IGSF3: variants seen among roughly 807,000 people sequenced by gnomAD.
IGSF3 encodes immunoglobulin superfamily member 3.
Under a neutral mutation model 114.4 loss-of-function variants are expected in IGSF3, and 23 were observed. That is an observed-to-expected ratio of 0.20 (90% CI 0.14 to 0.28). IGSF3 has a LOEUF of 0.28. Ranked by LOEUF, IGSF3 falls within the 10% of genes least tolerant of loss-of-function variation. The pLI, the probability that IGSF3 is intolerant of heterozygous loss-of-function variation, is 1.00. For missense variants in IGSF3, 1,172 were observed against 1,591.5 expected (o/e 0.74, Z 4.48); for synonymous variants, 571 against 645.2 (o/e 0.88, Z 1.74).
At position 116,592,992 on chromosome 1, in the gene IGSF3, G is replaced by A. The variant is rs978791951; in HGVS notation, c.2030-3888C>T. Among the ~76,000 whole-genome samples, 2 of 152,202 alleles carry A rather than the reference G, an allele frequency of 1.3e-5. No homozygotes were observed. Among genetic ancestry groups the A allele is most frequent in the Non-Finnish European group, 2.9e-5 (2 of 68,040 alleles). ...AGGGCACGCCAGAGAGAGGGGACAAGAGGAAAAAGATGACAACTACCCTGT... is the reference window on the plus strand; with the variant it reads ...AGGGCACGCCAGAGAGAGGGGACAAAAGGAAAAAGATGACAACTACCCTGT... On this transcript the variant is annotated intron_variant, in intron 7 of 10. Coordinates refer to ENST00000369486, the MANE Select transcript of IGSF3 (RefSeq NM_001007237.3). The surrounding 1 kb of genome is among the most constrained non-coding windows in gnomAD (Gnocchi z 4.5).
At chr1:116,586,968 G>C (rs535224772) in intron 8 of IGSF3, among the ~76,000 whole-genome samples, 182 of 149,524 alleles carry the variant, frequency 1.2e-3, no homozygotes, top group African/African-American at 4.3e-3. Flanking sequence ...CACCAGCAGA[G>C]GTTAGCAGAA....
Position 116,579,859 on chromosome 1 carries a change from T to C in IGSF3, c.2867A>G (p.Asp956Gly). ...VMRPDASLQV[D>G]TVVPNATVSE... is the part of the protein sequence containing the mutation. The stretch of plus-strand genomic sequence containing the variant: ...GACCGTGGCATTGGGGACCACTGTG[T>C]CCACCTGCAGGGAAGCATCTGGGGA... Residue 956 changes from aspartate to glycine, a missense_variant, in exon 10 of 11, where the codon GAC (aspartate) becomes GGC (glycine). Around this residue, in one of 3 missense-constraint regions of IGSF3, gnomAD observed 423 missense variants for 509.8 expected, o/e 0.83. Transcript: ENST00000369486. This position sits in a 1 kb window ranked among gnomAD's most constrained non-coding sequence, Gnocchi z 6.4. 1 of 1,606,526 alleles carries C rather than the reference T, an allele frequency of 6.2e-7. No individual in the cohort carries two copies. Among genetic ancestry groups the C allele is most frequent in the Admixed American group, 1.7e-5 (1 of 59,880 alleles).
Position 116,579,720 on chromosome 1 carries a change from G to T in IGSF3, c.3006C>A (p.Ser1002Arg). 6.2e-7 allele frequency: 1 copy of T among 1,614,072 alleles called. No individual in the cohort carries two copies. The highest frequency in any genetic ancestry group is 8.5e-7 in the Non-Finnish European group (1 of 1,180,010). Reference sequence around the variant, plus strand: ...CTTCCTGTTCTTCCAGGCCAGGGCTGCTCCTTTTCCCCCCAGCTTTAGTCC... The same window carrying T: ...CTTCCTGTTCTTCCAGGCCAGGGCTTCTCCTTTTCCCCCCAGCTTTAGTCC... ...SLRTKAGGKRSSPGLEEQEEE... is the reference protein window; with the variant it reads ...SLRTKAGGKRRSPGLEEQEEE... The change falls in exon 10 of 11, where the codon AGC (serine) becomes AGA (arginine). Residue 1002 changes from serine (S) to arginine (R), a missense_variant. By Grantham distance (110) the Ser-to-Arg change is moderately radical. Around this residue, in one of 3 missense-constraint regions of IGSF3, gnomAD observed 423 missense variants for 509.8 expected, o/e 0.83. Transcript: ENST00000369486. The surrounding 1 kb of genome is among the most constrained non-coding windows in gnomAD (Gnocchi z 6.4).
Position 116,584,059 on chromosome 1 carries a change from T to G in IGSF3, c.2848+586A>C, listed in dbSNP as rs1477867622. ...CACAAATTAGCCGGGTGTGGTGGCA[T>G]GAGCCTGTAGTCCCAGCTACTTGGG... On this transcript the variant is annotated intron_variant, in intron 9 of 10. Transcript: ENST00000369486. The surrounding 1 kb of genome is among the most constrained non-coding windows in gnomAD (Gnocchi z 5.8). 1.3e-5 allele frequency among the ~76,000 whole-genome samples: 2 copies of G among 152,054 alleles called. No homozygotes were observed. Among genetic ancestry groups the G allele is most frequent in the African/African-American group, 2.4e-5 (1 of 41,398 alleles).
In IGSF3 at chr1:116,589,922, C is replaced by T. The variant is rs544988659; in HGVS notation, c.2030-818G>A. On this transcript the variant is annotated intron_variant, in intron 7 of 10. Transcript: ENST00000369486. The surrounding 1 kb of genome is among the most constrained non-coding windows in gnomAD (Gnocchi z 5.7). ...TGGACTGCCTAGCGGACATTCTTAT[C>T]GCTGCACCCCCAGAGCCTAGCACAG... 9.2e-5 allele frequency among the ~76,000 whole-genome samples: 14 copies of T among 152,284 alleles called. No homozygotes were observed. The highest frequency in any genetic ancestry group is 1.6e-4 in the Non-Finnish European group (11 of 68,016).
rs1176866660 is a variant in IGSF3 at position 116,583,769 on chromosome 1, C to T, written c.2848+876G>A. 1.3e-5 allele frequency among the ~76,000 whole-genome samples: 2 copies of T among 151,928 alleles called. No individual in the cohort carries two copies. Among genetic ancestry groups the T allele is most frequent in the East Asian group, 1.9e-4 (1 of 5,202 alleles). Reference sequence around the variant, plus strand: ...GACATGGGAATCCTGCACATCGTAGCTTTGATTATGTGTTTAAATGTGCAA... The same window carrying T: ...GACATGGGAATCCTGCACATCGTAGTTTTGATTATGTGTTTAAATGTGCAA... On this transcript the variant is annotated intron_variant, in intron 9 of 10. Coordinates refer to ENST00000369486, the MANE Select transcript of IGSF3 (RefSeq NM_001007237.3). This position sits in a 1 kb window ranked among gnomAD's most constrained non-coding sequence, Gnocchi z 4.5.
intron 2 of IGSF3, among the ~76,000 whole-genome samples, chr1:116,621,422 A>G (rs968466770): frequency 1.3e-5 from 2 of 152,184 alleles, no homozygotes; most frequent in African/African-American, 4.8e-5. Flanking sequence ...TTTGCTTCCC[A>G]GAGTGTAGGG....
chr1:116,619,873 A>G (rs1278946937), intron 2 of IGSF3, among the ~76,000 whole-genome samples: 1 of 152,196 alleles, frequency 6.6e-6, no homozygotes, highest in Non-Finnish European at 1.5e-5. Flanking sequence ...AAAGATCAAA[A>G]TGTTATATAT....
chr1:116,604,813 A>C (rs1660730437), intron 5 of IGSF3, among the ~76,000 whole-genome samples: 1 of 152,168 alleles, frequency 6.6e-6, no homozygotes, highest in Non-Finnish European at 1.5e-5. Flanking sequence ...TGCTCACTTA[A>C]CTATCTGAAT....
In IGSF3 at chr1:116,615,786, C is replaced by T. The variant is rs1661192889; in HGVS notation, c.421+294G>A. ...TCTTCCTTGTCATTCAGATCATCAA[C>T]CACAAACATCCTTGCCTTATATTTT... On this transcript the variant is annotated intron_variant, in intron 3 of 10. Transcript: ENST00000369486. This position sits in a 1 kb window ranked among gnomAD's most constrained non-coding sequence, Gnocchi z 4.3. Among the ~76,000 whole-genome samples the T allele has an allele frequency of 6.6e-6, 1 of 152,202 alleles. No individual in the cohort carries two copies. The highest frequency in any genetic ancestry group is 1.5e-5 in the Non-Finnish European group (1 of 68,034).
rs1046499841 is a variant in IGSF3 at position 116,618,794 on chromosome 1, A to T, written c.44-2337T>A. 2.0e-5 allele frequency among the ~76,000 whole-genome samples: 3 copies of T among 152,220 alleles called. No homozygotes were observed. The highest frequency in any genetic ancestry group is 2.4e-5 in the African/African-American group (1 of 41,468). On this transcript the variant is annotated intron_variant, in intron 2 of 10. Transcript: ENST00000369486. The surrounding 1 kb of genome is among the most constrained non-coding windows in gnomAD (Gnocchi z 4.7). Reference sequence around the variant, plus strand: ...TTTTGCAAACAATTTAACTACATTCATAACATTAGGTATCCTTTGAATTGC... The same window carrying T: ...TTTTGCAAACAATTTAACTACATTCTTAACATTAGGTATCCTTTGAATTGC...
chr1:116,630,742 A>G (rs1571174002), intron 2 of IGSF3, among the ~76,000 whole-genome samples: 1 of 152,338 alleles, frequency 6.6e-6, no homozygotes. Context: ...TAGGTGTTCC[A>G]TGGGCGTCAG....
At position 116,577,291 on chromosome 1, in the gene IGSF3, A is replaced by G. The variant is rs760186386; in HGVS notation, c.*21T>C. On this transcript the variant is annotated 3_prime_UTR_variant, in exon 11 of 11. Coordinates refer to ENST00000369486, the MANE Select transcript of IGSF3 (RefSeq NM_001007237.3). This position sits in a 1 kb window ranked among gnomAD's most constrained non-coding sequence, Gnocchi z 5.7. The stretch of plus-strand genomic sequence containing the variant: ...GAGCCTCAGCTCCTCCGTGGCCAAC[A>G]TCCGCTGGGGCATCACCCGCTTAGT... The G allele has an allele frequency of 1.9e-6, 3 of 1,610,752 alleles. No homozygotes were observed. The highest frequency in any genetic ancestry group is 2.5e-6 in the Non-Finnish European group (3 of 1,178,078).
upstream of IGSF3, chr1:116,667,744 C>G (rs1448860120): frequency 6.6e-6 from 1 of 151,662 alleles, no homozygotes; most frequent in East Asian, 1.9e-4. Context: ...GCGGCCCCTC[C>G]CGAGTCCCCG....
At chr1:116,580,058 T>C (rs927349323) in intron 9 of IGSF3, among the ~76,000 whole-genome samples, 181 bp from the exon 10 acceptor site, 2 of 152,160 alleles carry the variant, frequency 1.3e-5, no homozygotes, top group African/African-American at 4.8e-5. Flanking sequence ...TTGTTAAGAG[T>C]ACAGAACAAT....
rs1047671416 is a variant in IGSF3 at position 116,662,659 on chromosome 1, C to T, written c.43+3625G>A. 6.6e-6 allele frequency among the ~76,000 whole-genome samples: 1 copy of T among 152,178 alleles called. No individual in the cohort carries two copies. The highest frequency in any genetic ancestry group is 1.5e-5 in the Non-Finnish European group (1 of 68,026). On this transcript the variant is annotated intron_variant, in intron 2 of 10. Transcript: ENST00000369486. The surrounding 1 kb of genome is among the most constrained non-coding windows in gnomAD (Gnocchi z 4.3). ...ATCCTAGTAGGCCAAGTCCTCCTGA[C>T]AAGAATTTCCTTCTCCTGCACCCTT...
At position 116,634,180 on chromosome 1, in the gene IGSF3, T is replaced by A. The variant is rs1223897872; in HGVS notation, c.44-17723A>T. On this transcript the variant is annotated intron_variant, in intron 2 of 10. Transcript: ENST00000369486. The surrounding 1 kb of genome is among the most constrained non-coding windows in gnomAD (Gnocchi z 4.2). ...TTTTAATTGAACACATGTGAATGTA[T>A]TACCTATTCGAAAAACAAATGAGTA... is the stretch of plus-strand genomic sequence containing the variant. Among the ~76,000 whole-genome samples the A allele has an allele frequency of 6.6e-6, 1 of 152,224 alleles. No individual in the cohort carries two copies. Among genetic ancestry groups the A allele is most frequent in the Non-Finnish European group, 1.5e-5 (1 of 68,036 alleles).
In IGSF3 at chr1:116,600,050, T is replaced by G; in HGVS notation, c.1920A>C (p.Ala640=). The stretch of plus-strand genomic sequence containing the variant: ...GCTCTGCCACACACTGGTACTTGCC[T>G]GCTTCCGTGTCACTGGCTCGGCTGA... ...LSISRASDTE[A]GKYQCVAELW... Residue 640 remains alanine (A), a synonymous_variant, in exon 7 of 11, where the codon GCA becomes GCC. Coordinates refer to ENST00000369486, the MANE Select transcript of IGSF3 (RefSeq NM_001007237.3). The surrounding 1 kb of genome is among the most constrained non-coding windows in gnomAD (Gnocchi z 5.5). The G allele has an allele frequency of 6.2e-7, 1 of 1,614,208 alleles. No homozygotes were observed. The highest frequency in any genetic ancestry group is 8.5e-7 in the Non-Finnish European group (1 of 1,180,036).
Position 116,661,854 on chromosome 1 carries a change from A to C in IGSF3, c.43+4430T>G, listed in dbSNP as rs1282909352. Among the ~76,000 whole-genome samples, 1 of 152,166 alleles carries C rather than the reference A, an allele frequency of 6.6e-6. No homozygotes were observed. Among genetic ancestry groups the C allele is most frequent in the Non-Finnish European group, 1.5e-5 (1 of 68,042 alleles). On this transcript the variant is annotated intron_variant, in intron 2 of 10. Transcript: ENST00000369486. The surrounding 1 kb of genome is among the most constrained non-coding windows in gnomAD (Gnocchi z 4.0). ...ATGGTCACATGACTAGGTTCTAGCCAATGAGAATGTTAGTGGAAGTGATGT... is the reference window on the plus strand; with the variant it reads ...ATGGTCACATGACTAGGTTCTAGCCCATGAGAATGTTAGTGGAAGTGATGT...
Sources: allele counts gnomAD v4.1 joint callset (sites outside exome capture counted in the v4.1 genomes callset), GRCh38; gene constraint gnomAD v4.1.1; regional missense constraint gnomAD v4.1.1; non-coding constraint Gnocchi (gnomAD v3.1); transcripts MANE v1.5; gene names NCBI Gene and HGNC (gene_info 2026-07-23, HGNC 2026-07-21).